Variants in SLC15A5 observed in about 807,000 individuals in gnomAD.
The protein encoded by SLC15A5 is Peptide/histidine transporter ENSP00000340402.
In SLC15A5, 58 loss-of-function variants were observed where a neutral mutation model predicts 56.1. That is an observed-to-expected ratio of 1.03 (90% CI 0.84 to 1.29). SLC15A5 has a LOEUF of 1.29. Among genes scored for constraint, SLC15A5 ranks in the 50% most tolerant of loss-of-function variants. SLC15A5 has a pLI of 0.00. For missense variants in SLC15A5, 681 were observed against 672.1 expected (o/e 1.01, Z -0.15); for synonymous variants, 264 against 250.5 (o/e 1.05, Z -0.51).
At chr12:16,195,173 G>C (rs1238778754) in intron 7 of SLC15A5, among the ~76,000 whole-genome samples, 1 of 151,906 alleles carries the variant, frequency 6.6e-6, no homozygotes, top group African/African-American at 2.4e-5. Context: ...TTTGACTTTT[G>C]CTTTGGAGCT....
intron 2 of SLC15A5, among the ~76,000 whole-genome samples, chr12:16,268,547 C>T (rs1431361125): frequency 6.6e-6 from 1 of 152,074 alleles, no homozygotes; most frequent in Admixed American, 6.5e-5. Flanking sequence ...CTGAAATGTA[C>T]CTTATAAATT....
chr12:16,265,491 T>A (rs1864685162), intron 2 of SLC15A5, among the ~76,000 whole-genome samples: 1 of 152,184 alleles, frequency 6.6e-6, no homozygotes, highest in Non-Finnish European at 1.5e-5. Flanking sequence ...AACTTTTTTG[T>A]TTTTTGAGAC....
intron 8 of SLC15A5, among the ~76,000 whole-genome samples, chr12:16,193,827 GAGAGAGAGAGAGAGAGA>G (rs1565654525): frequency 1.1e-4 from 12 of 104,600 alleles, no homozygotes; most frequent in African/African-American, 3.9e-4. Flanking sequence ...GAGAGAGAGA[GAGAGAGAGAGAGAGAGA>G]GGCTGGCAAT....
intron 7 of SLC15A5, among the ~76,000 whole-genome samples, chr12:16,210,730 G>A (rs1383646915): frequency 6.6e-6 from 1 of 152,088 alleles, no homozygotes; most frequent in African/African-American, 2.4e-5. Flanking sequence ...TTGAATTCAG[G>A]TTCATCTGAC....
chr12:16,217,070 T>G (rs755643269), intron 6 of SLC15A5, 46 bp from the exon 7 acceptor site: 3 of 1,504,664 alleles, frequency 2.0e-6, no homozygotes, highest in Non-Finnish European at 2.6e-6. Flanking sequence ...CTCCTGAAAA[T>G]GCTTTCATAG....
chr12:16,195,687 A>C (rs1008669909), intron 7 of SLC15A5, among the ~76,000 whole-genome samples: 2 of 152,064 alleles, frequency 1.3e-5, no homozygotes, highest in East Asian at 3.9e-4. Context: ...TCTTTGGCAC[A>C]TGGGTTGTAG....
intron 2 of SLC15A5, among the ~76,000 whole-genome samples, chr12:16,266,798 C>A (rs546216109): frequency 6.6e-6 from 1 of 152,106 alleles, no homozygotes; most frequent in Non-Finnish European, 1.5e-5. Flanking sequence ...AAAACAAATA[C>A]CAGTGATTAA....
In SLC15A5 at chr12:16,216,887, T is replaced by G. The variant is rs1395075218; in HGVS notation, c.1483+6A>C. 4 of 1,534,504 alleles carry G rather than the reference T, an allele frequency of 2.6e-6. No homozygotes were observed. The African/African-American group carries it at 5.5e-5, about 21-fold the overall frequency. On this transcript the variant is annotated splice_donor_region_variant and intron_variant, in intron 7 of 8. Coordinates refer to ENST00000344941, the MANE Select transcript of SLC15A5 (RefSeq NM_001170798.1). ...GTATATAAGCATGCCACGAACCTAT[T>G]TTTACCATCTGAGATGAGATATACC...
chr12:16,262,725 A>G (rs1191313614), intron 2 of SLC15A5, among the ~76,000 whole-genome samples: 5 of 152,122 alleles, frequency 3.3e-5, no homozygotes, highest in African/African-American at 1.2e-4. Context: ...GAGGGACCCA[A>G]TTGGAGATGA....
At chr12:16,244,452 T>A (rs752142655) in intron 4 of SLC15A5, 128 bp downstream of exon 4, 37 of 826,156 alleles carry the variant, frequency 4.5e-5, no homozygotes, top group Non-Finnish European at 9.6e-6. Context: ...ATGAGAAGTT[T>A]CTGTGGGGAT....
In SLC15A5 at chr12:16,204,112, C is replaced by T. The variant is rs1047697672; in HGVS notation, c.1484-9659G>A. 2.0e-5 allele frequency among the ~76,000 whole-genome samples: 3 copies of T among 152,208 alleles called. No individual in the cohort carries two copies. The East Asian group carries it at 5.8e-4, about 29-fold the overall frequency. On this transcript the variant is annotated intron_variant, in intron 7 of 8. Transcript: ENST00000344941. Reference sequence around the variant, plus strand: ...GGACCACTACCTGTTGCAAAAACTTCAGTTTTTCTAAAATTAACTTACAAG... The same window carrying T: ...GGACCACTACCTGTTGCAAAAACTTTAGTTTTTCTAAAATTAACTTACAAG...
rs1246676925 is a variant in SLC15A5 at position 16,235,968 on chromosome 12, G to C, written c.1162+3713C>G. Among the ~76,000 whole-genome samples the C allele has an allele frequency of 2.0e-5, 3 of 151,992 alleles. No homozygotes were observed. Among genetic ancestry groups the C allele is most frequent in the Non-Finnish European group, 4.4e-5 (3 of 67,946 alleles). On this transcript the variant is annotated intron_variant, in intron 5 of 8. Coordinates refer to ENST00000344941, the MANE Select transcript of SLC15A5 (RefSeq NM_001170798.1). This position sits in a 1 kb window ranked among gnomAD's most constrained non-coding sequence, Gnocchi z 4.1. ...TTTTAGCTGGAACTTGAATTTTCAT[G>C]TTTTTATTTTAAAGAAAAAAGGTAT...
intron 1 of SLC15A5, 140 bp from the exon 2 acceptor site, chr12:16,272,923 T>G: frequency 1.3e-6 from 1 of 754,122 alleles, no homozygotes; most frequent in Non-Finnish European, 2.1e-6. Context: ...TCATTGCAAT[T>G]TCAGGGATAG....
intron 5 of SLC15A5, among the ~76,000 whole-genome samples, chr12:16,225,713 C>T (rs1304322108): frequency 6.6e-6 from 1 of 152,164 alleles, no homozygotes; most frequent in Non-Finnish European, 1.5e-5. Context: ...CTCATCATCA[C>T]GGGCCATCAG....
chr12:16,214,689 T>G (rs952570842), intron 7 of SLC15A5, among the ~76,000 whole-genome samples: 2 of 152,190 alleles, frequency 1.3e-5, no homozygotes, highest in Non-Finnish European at 2.9e-5. Context: ...AAGCTCCACT[T>G]TTGGAACCCT....
At chr12:16,218,677 C>T (rs1864155052) in intron 6 of SLC15A5, among the ~76,000 whole-genome samples, 1 of 152,064 alleles carries the variant, frequency 6.6e-6, no homozygotes. Flanking sequence ...AAATATGATA[C>T]TATAATCTTA....
intron 7 of SLC15A5, among the ~76,000 whole-genome samples, chr12:16,199,911 A>G (rs1287627088): frequency 1.3e-5 from 2 of 152,014 alleles, no homozygotes; most frequent in East Asian, 3.9e-4. Context: ...TAATCACTCT[A>G]TCTAGTCAGA....
At chr12:16,234,114 G>A (rs1304841371) in intron 5 of SLC15A5, among the ~76,000 whole-genome samples, 1 of 152,168 alleles carries the variant, frequency 6.6e-6, no homozygotes, top group Non-Finnish European at 1.5e-5. Flanking sequence ...TGTCTGGGGA[G>A]GGCTGCTTTC....
At chr12:16,256,931 T>TAGAA (rs1243072644) in intron 3 of SLC15A5, among the ~76,000 whole-genome samples, 3 of 151,360 alleles carry the variant, frequency 2.0e-5, no homozygotes, top group African/African-American at 7.3e-5. Context: ...GATAGATAGA[T>TAGAA]AGATAGATAG....
Sources: gnomAD v4.1 joint callset for allele counts (sites outside exome capture counted in the v4.1 genomes callset) on GRCh38, gnomAD v4.1.1 for gene constraint, Gnocchi (gnomAD v3.1) non-coding constraint, MANE v1.5 for transcripts, NCBI Gene and HGNC (gene_info 2026-07-23, HGNC 2026-07-21) for gene names.